Variants in RBPJ observed in about 807,000 individuals in gnomAD.
RBPJ encodes the protein recombining binding protein suppressor of hairless.
A neutral mutation model predicts 67.8 loss-of-function variants in RBPJ; 9 were observed. The observed-to-expected ratio is 0.13, with a 90% CI of 0.08 to 0.23. The LOEUF is 0.23. Among genes scored for constraint, RBPJ ranks in the 10% least tolerant of loss-of-function variants. The pLI, the probability that RBPJ is intolerant of heterozygous loss-of-function variation, is 1.00. For missense variants in RBPJ, 305 were observed against 595.6 expected (o/e 0.51, Z 5.08); for synonymous variants, 198 against 203.3 (o/e 0.97, Z 0.22).
At chr4:26,274,900 T>A (rs1001625266) in intron 1 of RBPJ, among the ~76,000 whole-genome samples, 1 of 151,044 alleles carries the variant, frequency 6.6e-6, no homozygotes, top group African/African-American at 2.4e-5. Context: ...CGCCATTGCA[T>A]GATCCTAGCC....
At chr4:26,210,997 TC>T in intron 1 of RBPJ, among the ~76,000 whole-genome samples, 1 of 152,142 alleles carries the variant, frequency 6.6e-6, no homozygotes, top group East Asian at 1.9e-4. Context: ...CAAAGTAATT[TC>T]ATTTTTCCCA....
At chr4:26,406,345 T>G (rs1185637016) in intron 3 of RBPJ, 75 bp downstream of exon 3, 21 of 904,012 alleles carry the variant, frequency 2.3e-5, no homozygotes, top group African/African-American at 3.3e-5. Flanking sequence ...AATATACATG[T>G]CAGAGGATGG....
chr4:26,292,718 G>A (rs756306277), intron 1 of RBPJ, among the ~76,000 whole-genome samples: 2 of 150,326 alleles, frequency 1.3e-5, no homozygotes, highest in Non-Finnish European at 3.0e-5. Flanking sequence ...CACTGAGCCT[G>A]GCCAAAATCC....
chr4:26,222,259 C>G (rs945962817), intron 1 of RBPJ, among the ~76,000 whole-genome samples: 4 of 152,194 alleles, frequency 2.6e-5, no homozygotes, highest in Middle Eastern at 3.4e-3. Context: ...TCTGGGAGGC[C>G]GAGGCATGTG....
intron 2 of RBPJ, among the ~76,000 whole-genome samples, chr4:26,395,035 T>G (rs1432109813): frequency 1.3e-5 from 2 of 152,224 alleles, no homozygotes; most frequent in Non-Finnish European, 2.9e-5. Context: ...GCCATACCTC[T>G]CTGTTCTCAC....
chr4:26,365,817 GT>G (rs1426106089), intron 1 of RBPJ, among the ~76,000 whole-genome samples: 1 of 152,194 alleles, frequency 6.6e-6, no homozygotes, highest in Non-Finnish European at 1.5e-5. Flanking sequence ...AGTAAAGGTT[GT>G]TAGAGAGTAT....
At chr4:26,310,555 C>G (rs1469318592) in intron 1 of RBPJ, among the ~76,000 whole-genome samples, 1 of 151,754 alleles carries the variant, frequency 6.6e-6, no homozygotes, top group African/African-American at 2.4e-5. Context: ...ATCTGATCCT[C>G]TTGGAAATTA....
chr4:26,118,067 T>C, the RBPJ span, among the ~76,000 whole-genome samples: 5 of 152,174 alleles, frequency 3.3e-5, no homozygotes, highest in African/African-American at 1.2e-4. Context: ...TATAGTTGTT[T>C]GTATTTTTAC....
chr4:26,227,938 C>G, intron 1 of RBPJ, among the ~76,000 whole-genome samples: 1 of 152,232 alleles, frequency 6.6e-6, no homozygotes, highest in East Asian at 1.9e-4. Context: ...CTGCCTGTCT[C>G]CAGGCTTCAC....
At chr4:26,311,586 T>G (rs1722429001) in intron 1 of RBPJ, among the ~76,000 whole-genome samples, 1 of 152,002 alleles carries the variant, frequency 6.6e-6, no homozygotes, top group Non-Finnish European at 1.5e-5. Context: ...CAGCAAACTG[T>G]AATGTCCGCC....
chr4:26,109,419 TCTCTCC>T, the RBPJ span, among the ~76,000 whole-genome samples: 792 of 18,176 alleles, frequency 0.044, 187 homozygotes, highest in Non-Finnish European at 0.063. Context: ...TTCCTCTCTC[TCTCTCC>T]CTCTCTCTCT....
rs1560237890 is a variant in RBPJ at position 26,270,413 on chromosome 4, GAAAGAAAGAAAGAAAGAAAGAAAGAAGA to G, written c.-166-92030_-166-92003del. The stretch of plus-strand genomic sequence containing the variant: ...AGAAAGAAAGAAAGAAAGAAAGAAA[GAAAGAAAGAAAGAAAGAAAGAAAGAAGA>G]AAGAAAGAAAGAAAGAAAAGAAAAG... On this transcript the variant is annotated intron_variant, in intron 1 of 4. Coordinates refer to the RBPJ transcript ENST00000512351. Among the ~76,000 whole-genome samples the G allele has an allele frequency of 1.7e-3, 93 of 55,890 alleles. 4 individuals carry two copies. Among genetic ancestry groups the G allele is most frequent in the Middle Eastern group, 9.6e-3 (1 of 104 alleles). 36.7% of individuals were successfully genotyped at this position (55,890 alleles called of 152,430 possible).
At chr4:26,379,495 A>G (rs1010006757) in intron 1 of RBPJ, among the ~76,000 whole-genome samples, 11 of 152,180 alleles carry the variant, frequency 7.2e-5, no homozygotes, top group African/African-American at 2.7e-4. Flanking sequence ...CAAAGGAGAG[A>G]CAAGTACCTT....
At chr4:26,290,436 T>A (rs1487072731) in intron 1 of RBPJ, among the ~76,000 whole-genome samples, 2 of 150,416 alleles carry the variant, frequency 1.3e-5, no homozygotes, top group Non-Finnish European at 3.0e-5. Context: ...TGCATTCTTG[T>A]CCCAGTAGAG....
At chr4:26,294,465 G>A (rs1721794059) in intron 1 of RBPJ, among the ~76,000 whole-genome samples, 1 of 152,198 alleles carries the variant, frequency 6.6e-6, no homozygotes, top group African/African-American at 2.4e-5. Context: ...ATGTCGTGTA[G>A]AGAGTGGATT....
chr4:26,181,378 A>G (rs1257350899), intron 1 of RBPJ, among the ~76,000 whole-genome samples: 1 of 152,210 alleles, frequency 6.6e-6, no homozygotes, highest in Non-Finnish European at 1.5e-5. Context: ...CGCATTCAGA[A>G]CACTCCAGCA....
At chr4:26,266,996 C>T (rs986369331) in intron 1 of RBPJ, among the ~76,000 whole-genome samples, 1 of 152,176 alleles carries the variant, frequency 6.6e-6, no homozygotes, top group Non-Finnish European at 1.5e-5. Context: ...ATAACATTAA[C>T]TTCCAAAACA....
intron 1 of RBPJ, among the ~76,000 whole-genome samples, chr4:26,378,551 A>G (rs531935211): frequency 3.9e-5 from 6 of 152,254 alleles, no homozygotes; most frequent in South Asian, 2.1e-4. Context: ...ACAATATTGG[A>G]GGTACCTAAA....
chr4:26,230,181 C>T (rs1446264554), intron 1 of RBPJ, among the ~76,000 whole-genome samples: 1 of 148,562 alleles, frequency 6.7e-6, no homozygotes, highest in Admixed American at 6.7e-5. Flanking sequence ...TATAGTGAGA[C>T]CCTATCTTAA....
Sources: allele counts gnomAD v4.1 joint callset (sites outside exome capture counted in the v4.1 genomes callset), GRCh38; gene constraint gnomAD v4.1.1; transcripts MANE v1.5; gene names NCBI Gene and HGNC (gene_info 2026-07-23, HGNC 2026-07-21).